Variants in LARS2 observed in about 807,000 individuals in gnomAD.
LARS2 encodes the protein leucyl-tRNA synthetase 2, mitochondrial.
In LARS2, 81 loss-of-function variants were observed where a neutral mutation model predicts 116.6. The ratio of observed to expected loss-of-function variants is 0.69; its 90% CI spans 0.58 to 0.84. The LOEUF (loss-of-function observed/expected upper bound fraction) is 0.84, where lower values mean the gene tolerates loss of function less well. LARS2 is among the 40% of genes least tolerant of loss of function. The pLI, the probability that LARS2 is intolerant of heterozygous loss-of-function variation, is 0.00. For missense variants in LARS2, 968 were observed against 1,114.5 expected (o/e 0.87, Z 1.87); for synonymous variants, 396 against 407.2 (o/e 0.97, Z 0.33).
chr3:45,533,139 G>GTTTT (rs1559499579), intron 20 of LARS2, among the ~76,000 whole-genome samples: 52 of 86,398 alleles, frequency 6.0e-4, no homozygotes, highest in Non-Finnish European at 8.5e-4. Flanking sequence ...GTCACATTAA[G>GTTTT]TCTTTTTTTT....
chr3:45,521,166 G>A (rs1393563691), intron 19 of LARS2, among the ~76,000 whole-genome samples: 10 of 152,226 alleles, frequency 6.6e-5, no homozygotes, highest in Admixed American at 3.9e-4. Flanking sequence ...TTAGCCAGGC[G>A]TGGTGGCAGG....
chr3:45,437,794 G>A (rs1457515204), intron 6 of LARS2, among the ~76,000 whole-genome samples: 3 of 152,168 alleles, frequency 2.0e-5, no homozygotes, highest in Non-Finnish European at 4.4e-5. Context: ...CATTTATTAA[G>A]CATCCTTTGT....
chr3:45,523,555 G>T (rs1575312528), intron 19 of LARS2, among the ~76,000 whole-genome samples: 2 of 150,762 alleles, frequency 1.3e-5, no homozygotes, highest in Non-Finnish European at 1.5e-5. Context: ...TAAAGATAGG[G>T]TCTCACTGTT....
intron 20 of LARS2, among the ~76,000 whole-genome samples, chr3:45,536,846 T>C (rs546743151): frequency 6.6e-6 from 1 of 152,366 alleles, no homozygotes; most frequent in East Asian, 1.9e-4. Context: ...ATGTGGTGGA[T>C]GGATGTGACA....
chr3:45,401,046 C>T (rs918302245), intron 4 of LARS2, among the ~76,000 whole-genome samples: 8 of 152,132 alleles, frequency 5.3e-5, no homozygotes, highest in Non-Finnish European at 7.4e-5. Flanking sequence ...TTCCTGGCCT[C>T]GTGATCCGCC....
chr3:45,451,476 A>T (rs990825136), intron 7 of LARS2, among the ~76,000 whole-genome samples: 1 of 152,014 alleles, frequency 6.6e-6, no homozygotes, highest in Admixed American at 6.5e-5. Flanking sequence ...TCCCCAATGT[A>T]TGTTTTTAGA....
chr3:45,391,498 CA>C (rs1697948578), intron 1 of LARS2, 84 bp from the exon 2 acceptor site: 1 of 145,738 alleles, frequency 6.9e-6, no homozygotes, highest in Non-Finnish European at 1.5e-5. Flanking sequence ...AAAAAAAAAA[CA>C]AAATCCATCT....
chr3:45,538,918 A>AT (rs202074306), intron 20 of LARS2, among the ~76,000 whole-genome samples: 1,692 of 151,930 alleles, frequency 0.011, 29 homozygotes, highest in African/African-American at 0.038. Context: ...TTAGGCTACC[A>AT]TTTTTTTTCC....
chr3:45,458,804 A>T lies in LARS2; in HGVS notation c.668A>T (p.His223Leu). 1.9e-6 allele frequency: 3 copies of T among 1,614,116 alleles called. No individual in the cohort carries two copies. The highest frequency in any genetic ancestry group is 1.7e-6 in the Non-Finnish European group (2 of 1,179,944). ...TVLANEQVDE[H>L]GCSWRSGAKV... ...CTTGCCAATGAGCAGGTGGATGAAC[A>T]TGGCTGTTCATGGCGTTCTGGAGCA... is the stretch of plus-strand genomic sequence containing the variant. The change falls in exon 8 of 22, where the codon CAT (histidine) becomes CTT (leucine). Residue 223 changes from histidine (H) to leucine (L), a missense_variant. His to Leu is a moderately conservative substitution (Grantham distance 99). Coordinates refer to ENST00000645846, the MANE Select transcript of LARS2 (RefSeq NM_015340.4).
chr3:45,408,494 G>C (rs1698270702), intron 4 of LARS2, among the ~76,000 whole-genome samples: 1 of 152,228 alleles, frequency 6.6e-6, no homozygotes, highest in African/African-American at 2.4e-5. Context: ...TTGTACGGCA[G>C]AAGGGCTGAC....
chr3:45,420,371 T>G (rs1361710582), intron 6 of LARS2, among the ~76,000 whole-genome samples: 1 of 152,240 alleles, frequency 6.6e-6, no homozygotes, highest in East Asian at 1.9e-4. Context: ...TTAGGTAAGA[T>G]GGACTGTTGC....
Position 45,441,384 on chromosome 3 carries a change from G to A in LARS2, c.517-5507G>A, listed in dbSNP as rs578189881. On this transcript the variant is annotated intron_variant, in intron 6 of 21. Coordinates refer to ENST00000645846, the MANE Select transcript of LARS2 (RefSeq NM_015340.4). ...GTTGATTTTTCCTGCAAGCCCAGCCGTATGCTTTGCACACAATTGCCTTTT... is the reference window on the plus strand; with the variant it reads ...GTTGATTTTTCCTGCAAGCCCAGCCATATGCTTTGCACACAATTGCCTTTT... 5.3e-5 allele frequency among the ~76,000 whole-genome samples: 8 copies of A among 152,292 alleles called. No individual in the cohort carries two copies. In the South Asian group the frequency reaches 8.3e-4, roughly 16 times the overall value.
chr3:45,524,080 C>T lies in LARS2; in HGVS notation c.2376C>T (p.Ala792=). The T allele has an allele frequency of 1.2e-6, 2 of 1,613,078 alleles. No homozygotes were observed. The highest frequency in any genetic ancestry group is 2.2e-5 in the South Asian group (2 of 91,056). The change falls in exon 20 of 22, where the codon GCC becomes GCT. Residue 792 remains alanine (A), a synonymous_variant. Transcript: ENST00000645846. ...TGATGGTAATGGCTGCTCCACTGGC[C>T]CCTCATGTAACCTCAGAGATCTGGG... The part of the protein sequence containing the change: ...CALMVMAAPL[A]PHVTSEIWAG...
intron 13 of LARS2, chr3:45,495,205 A>G (rs888093158): frequency 1.3e-5 from 2 of 152,234 alleles, no homozygotes; most frequent in African/African-American, 4.8e-5. Flanking sequence ...CTCTGTCTTG[A>G]ACACCAGGGC....
intron 4 of LARS2, among the ~76,000 whole-genome samples, chr3:45,407,914 G>A (rs752821184): frequency 3.9e-5 from 6 of 152,002 alleles, no homozygotes; most frequent in Non-Finnish European, 7.4e-5. Flanking sequence ...TTCTTGTGTC[G>A]GATGAACAAC....
At chr3:45,535,768 C>CACA (rs1559500395) in intron 20 of LARS2, among the ~76,000 whole-genome samples, 2,199 of 33,806 alleles carry the variant, frequency 0.065, 30 homozygotes, top group Non-Finnish European at 0.11. Flanking sequence ...ACACACACAC[C>CACA]CCCACACCCA....
At chr3:45,477,781 T>G (rs1379751930) in intron 10 of LARS2, among the ~76,000 whole-genome samples, 1 of 152,222 alleles carries the variant, frequency 6.6e-6, no homozygotes, top group African/African-American at 2.4e-5. Flanking sequence ...ACTAAAAAAA[T>G]GTTTTGGATG....
intron 6 of LARS2, among the ~76,000 whole-genome samples, chr3:45,443,309 A>G (rs1698945841): frequency 6.6e-6 from 1 of 152,274 alleles, no homozygotes. Context: ...GTTTAATTTC[A>G]GAAAGATGGC....
chr3:45,478,014 G>A lies in LARS2; in HGVS notation c.1018+1387G>A, dbSNP rs183828347. Among the ~76,000 whole-genome samples, 10 of 152,314 alleles carry A rather than the reference G, an allele frequency of 6.6e-5. No homozygotes were observed. In the East Asian group the frequency reaches 1.7e-3, roughly 26 times the overall value. On this transcript the variant is annotated intron_variant, in intron 10 of 21. Coordinates refer to ENST00000645846, the MANE Select transcript of LARS2 (RefSeq NM_015340.4). ...TCCAGTCTTAACTGGATGCCCCAGAGAGGCAGAACAGAGGACAGCCAGATG... is the reference window on the plus strand; with the variant it reads ...TCCAGTCTTAACTGGATGCCCCAGAAAGGCAGAACAGAGGACAGCCAGATG...
Sources: gnomAD v4.1 joint callset for allele counts (sites outside exome capture counted in the v4.1 genomes callset) on GRCh38, gnomAD v4.1.1 for gene constraint, MANE v1.5 for transcripts, NCBI Gene and HGNC (gene_info 2026-07-23, HGNC 2026-07-21) for gene names.